Variants in JAK2 observed in about 807,000 individuals in gnomAD.
The protein encoded by JAK2 is Janus kinase 2.
JAK2 carries 86 observed loss-of-function variants against 139.3 expected under a neutral mutation model. That is an observed-to-expected ratio of 0.62 (90% confidence interval 0.52 to 0.74). JAK2 has a LOEUF of 0.74. Among genes scored for constraint, JAK2 ranks in the 30% least tolerant of loss-of-function variants. The pLI is 0.00. For missense variants in JAK2, 1,421 were observed against 1,360.3 expected (o/e 1.04, Z -0.70); for synonymous variants, 490 against 437.7 (o/e 1.12, Z -1.49).
chr9:5,090,415 T>A (rs747668473), intron 20 of JAK2, 31 bp from the exon 21 acceptor site: 3 of 1,471,366 alleles, frequency 2.0e-6, no homozygotes, highest in East Asian at 4.6e-5. Context: ...TATGGCAGAG[T>A]AAAACATTAT....
chr9:5,022,335 T>TGAAAACACACACGCCA, intron 3 of JAK2, 122 bp downstream of exon 3: 1 of 618,434 alleles, frequency 1.6e-6, no homozygotes, highest in Non-Finnish European at 2.7e-6. Flanking sequence ...GGCTGGCGTG[T>TGAAAACACACACGCCA]GTGTTTTCAC....
chr9:5,114,306 CAGGCCAGTGGGA>C (rs1822934462), intron 22 of JAK2: 2 of 542,714 alleles, frequency 3.7e-6, no homozygotes, highest in Admixed American at 2.1e-5. Flanking sequence ...GACTTGGTCC[CAGGCCAGTGGGA>C]AGTCTGTGGC....
intron 2 of JAK2, among the ~76,000 whole-genome samples, chr9:5,021,381 G>A (rs1032412230): frequency 6.6e-6 from 1 of 152,116 alleles, no homozygotes; most frequent in South Asian, 2.1e-4. Context: ...CTGTAACTGA[G>A]TTTAATGCTT....
chr9:5,040,990 C>G, intron 4 of JAK2: 1 of 628,094 alleles, frequency 1.6e-6, no homozygotes. Context: ...CAAATTGGAG[C>G]TGATCAAGTT....
chr9:5,079,916 T>C (rs1819568474), intron 16 of JAK2, among the ~76,000 whole-genome samples: 1 of 152,216 alleles, frequency 6.6e-6, no homozygotes, highest in Admixed American at 6.5e-5. Context: ...GAAAGATTAG[T>C]TGATTCAGAA....
chr9:5,100,903 A>T (rs1404785216), intron 22 of JAK2: 1 of 152,208 alleles, frequency 6.6e-6, no homozygotes, highest in Admixed American at 6.5e-5. Context: ...CCGCCAATTA[A>T]AATATCACTT....
At position 5,127,754 on chromosome 9, in the gene JAK2, TA is replaced by T. The variant is rs1824092854; in HGVS notation, c.*968del. ...CCATAAAATAGATTAGATTGTTTTT[TA>T]AAAATGGATAGCTCATTAAGAAGTG... On this transcript the variant is annotated 3_prime_UTR_variant, in exon 25 of 25. Transcript: ENST00000381652. The T allele has an allele frequency of 4.3e-6, 1 of 232,646 alleles. No homozygotes were observed. The highest frequency in any genetic ancestry group is 8.5e-6 in the Non-Finnish European group (1 of 117,266). 14.4% of individuals were successfully genotyped at this position (232,646 alleles called of 1,614,324 possible).
At chr9:5,111,634 G>T in intron 22 of JAK2, 2 of 379,848 alleles carry the variant, frequency 5.3e-6, no homozygotes, top group South Asian at 4.0e-5. Flanking sequence ...TGCTGGGCGG[G>T]GGCTCATGCC....
chr9:5,114,382 C>T, intron 22 of JAK2: 1 of 523,578 alleles, frequency 1.9e-6, no homozygotes, highest in Non-Finnish European at 3.8e-6. Context: ...ACCATCACGT[C>T]CACCCTGCTG....
At chr9:4,988,083 A>G (rs1259465523) in intron 2 of JAK2, among the ~76,000 whole-genome samples, 1 of 152,128 alleles carries the variant, frequency 6.6e-6, no homozygotes, top group South Asian at 2.1e-4. Context: ...TGCCCCTACC[A>G]ATTATTGTGC....
At chr9:5,120,486 G>A (rs1468361879) in intron 22 of JAK2, among the ~76,000 whole-genome samples, 4 of 152,042 alleles carry the variant, frequency 2.6e-5, no homozygotes, top group South Asian at 2.1e-4. Flanking sequence ...TTTCTTGTTC[G>A]AAAAGGCTCT....
In JAK2 at chr9:5,126,829, C is replaced by A; in HGVS notation, c.*38C>A. On this transcript the variant is annotated 3_prime_UTR_variant, in exon 25 of 25. Transcript: ENST00000381652. The stretch of plus-strand genomic sequence containing the variant: ...TCATTCTGAGACCAAAGTAGATTTA[C>A]AGAACAAAGTTTTATATTTCACATT... The A allele has an allele frequency of 1.5e-6, 2 of 1,291,202 alleles. No individual in the cohort carries two copies. Among genetic ancestry groups the A allele is most frequent in the South Asian group, 1.2e-5 (1 of 81,578 alleles). The allele number at this position is 1,291,202 out of a possible 1,614,324, so 80.0% of individuals were successfully genotyped here. A position where few individuals can be genotyped will look rare whatever the true frequency, so the allele number is the denominator to read the frequency against.
intron 2 of JAK2, among the ~76,000 whole-genome samples, chr9:5,017,477 C>A: frequency 6.6e-6 from 1 of 152,116 alleles, no homozygotes; most frequent in East Asian, 1.9e-4. Context: ...TTTATAGTTT[C>A]TATGTCATTT....
intron 7 of JAK2, among the ~76,000 whole-genome samples, 184 bp downstream of exon 7, chr9:5,055,068 T>C (rs1817670686): frequency 6.6e-6 from 1 of 152,038 alleles, no homozygotes; most frequent in African/African-American, 2.4e-5. Flanking sequence ...AAATGGTTTT[T>C]TCATTTAATT....
chr9:5,033,000 A>G (rs1823284769), intron 4 of JAK2, among the ~76,000 whole-genome samples: 1 of 152,236 alleles, frequency 6.6e-6, no homozygotes. Flanking sequence ...AACCTTGAAA[A>G]AAAATTAGAC....
At chr9:5,091,219 G>A (rs1464800022) in intron 22 of JAK2, 2 of 194,178 alleles carry the variant, frequency 1.0e-5, no homozygotes, top group African/African-American at 4.7e-5. Flanking sequence ...TTGTGGTATT[G>A]TGTTGAATTT....
intron 22 of JAK2, among the ~76,000 whole-genome samples, chr9:5,106,375 A>T (rs986327381): frequency 6.6e-6 from 1 of 152,242 alleles, no homozygotes; most frequent in African/African-American, 2.4e-5. Context: ...TAGAATGGTG[A>T]TCATTAAAAA....
intron 4 of JAK2, among the ~76,000 whole-genome samples, chr9:5,036,994 A>C (rs565435127): frequency 1.3e-5 from 2 of 152,190 alleles, no homozygotes; most frequent in African/African-American, 4.8e-5. Context: ...AGAATATACA[A>C]TGAACTCTAA....
intron 3 of JAK2, among the ~76,000 whole-genome samples, chr9:5,026,513 A>C (rs1049008932): frequency 6.6e-6 from 1 of 152,200 alleles, no homozygotes; most frequent in Non-Finnish European, 1.5e-5. Context: ...TCTACAGTGG[A>C]AAATAGTGAA....
Sources: gnomAD v4.1 joint callset for allele counts (sites outside exome capture counted in the v4.1 genomes callset) on GRCh38, gnomAD v4.1.1 for gene constraint, MANE v1.5 for transcripts, NCBI Gene and HGNC (gene_info 2026-07-23, HGNC 2026-07-21) for gene names.